The following UBL3 variants were observed in gnomAD, a reference collection of about 807,000 sequenced individuals.
UBL3 encodes ubiquitin-like protein 3.
A neutral mutation model predicts 18.4 loss-of-function variants in UBL3; 6 were observed. The observed-to-expected ratio is 0.33, with a 90% CI of 0.18 to 0.64. The LOEUF is 0.64. Among genes scored for constraint, UBL3 ranks in the 30% least tolerant of loss-of-function variants. The pLI is 0.76. For synonymous variants in UBL3, 49 were observed against 46.6 expected, an observed-to-expected ratio of 1.05 and a Z score of -0.21; for missense variants, 109 against 142.9, an observed-to-expected ratio of 0.76 and a Z score of 1.21.
chr13:29,818,293 CT>C (rs1003685773), intron 1 of UBL3, among the ~76,000 whole-genome samples: 44 of 152,226 alleles, frequency 2.9e-4, no homozygotes, highest in African/African-American at 1.0e-3. Flanking sequence ...CACACACATC[CT>C]TTTCAGTCAG....
At position 29,765,922 on chromosome 13, in the gene UBL3, T is replaced by C. The variant is rs1296555943; in HGVS notation, c.*1333A>G. 1.3e-5 allele frequency: 2 copies of C among 152,614 alleles called. No homozygotes were observed. Among genetic ancestry groups the C allele is most frequent in the Non-Finnish European group, 2.9e-5 (2 of 68,004 alleles). 9.5% of individuals were successfully genotyped at this position (152,614 alleles called of 1,614,324 possible). A position where few individuals can be genotyped will look rare whatever the true frequency, so the allele number is the denominator to read the frequency against. ...ATGTCAGCCTGCAACTTCATTTTTA[T>C]AAAGGCTAAACTTATTTATATGGAA... On this transcript the variant is annotated 3_prime_UTR_variant, in exon 5 of 5. Transcript: ENST00000380680.
chr13:29,828,956 C>T (rs1030611228), intron 1 of UBL3, among the ~76,000 whole-genome samples: 2 of 152,186 alleles, frequency 1.3e-5, no homozygotes, highest in African/African-American at 4.8e-5. Flanking sequence ...ACCCTGTTTG[C>T]CTGGGTATCA....
At chr13:29,788,357 A>G (rs1877379928) in intron 1 of UBL3, among the ~76,000 whole-genome samples, 1 of 152,176 alleles carries the variant, frequency 6.6e-6, no homozygotes, top group Non-Finnish European at 1.5e-5. Flanking sequence ...CTTTCACAAT[A>G]TTCCTCAATC....
chr13:29,849,225 C>T (rs535439851), intron 1 of UBL3, among the ~76,000 whole-genome samples: 1 of 152,300 alleles, frequency 6.6e-6, no homozygotes, highest in South Asian at 2.1e-4. Context: ...TGTTCGGAGG[C>T]TTCTAGCGAA....
intron 1 of UBL3, among the ~76,000 whole-genome samples, chr13:29,809,213 C>T (rs567835190): frequency 5.9e-5 from 9 of 152,062 alleles, no homozygotes; most frequent in Non-Finnish European, 1.3e-4. Flanking sequence ...ACAGGGTCAA[C>T]AGGGTCCTAG....
chr13:29,808,510 C>A (rs1877953636), intron 1 of UBL3, among the ~76,000 whole-genome samples: 2 of 152,146 alleles, frequency 1.3e-5, no homozygotes, highest in Non-Finnish European at 2.9e-5. Flanking sequence ...CCTAGACATG[C>A]CACTTAACTG....
intron 1 of UBL3, among the ~76,000 whole-genome samples, chr13:29,796,284 T>A (rs71434758): frequency 0.084 from 12,842 of 152,092 alleles, 602 homozygotes; most frequent in African/African-American, 0.11. Flanking sequence ...ACAAAAAAAA[T>A]TCAAAAAATT....
intron 1 of UBL3, among the ~76,000 whole-genome samples, chr13:29,794,391 T>C (rs938331661): frequency 6.6e-6 from 1 of 151,964 alleles, no homozygotes; most frequent in Non-Finnish European, 1.5e-5. Flanking sequence ...CCTATATGCA[T>C]GTTGACCTTT....
chr13:29,792,910 G>A (rs6490429), intron 1 of UBL3, among the ~76,000 whole-genome samples: 87,182 of 152,076 alleles, frequency 0.57, 26,096 homozygotes, highest in Non-Finnish European at 0.66. Flanking sequence ...TTCTGCATCT[G>A]TGCATACTTT....
At position 29,774,594 on chromosome 13, in the gene UBL3, T is replaced by C. The variant is rs551052301; in HGVS notation, c.137-2396A>G. Among the ~76,000 whole-genome samples, 23 of 152,292 alleles carry C rather than the reference T, an allele frequency of 1.5e-4. No individual in the cohort carries two copies. The Middle Eastern group carries it at 0.014, about 90-fold the overall frequency. ...CTTTCTTAGCTATAACCTTTATAGC[T>C]TCAGTATCTCCCTGACTTAGAAACT... On this transcript the variant is annotated intron_variant, in intron 2 of 4. Coordinates refer to ENST00000380680, the MANE Select transcript of UBL3 (RefSeq NM_007106.4).
At chr13:29,839,723 T>C (rs1198373206) in intron 1 of UBL3, among the ~76,000 whole-genome samples, 1 of 152,136 alleles carries the variant, frequency 6.6e-6, no homozygotes, top group African/African-American at 2.4e-5. Flanking sequence ...GTCAGGAGAT[T>C]GAGACCACCC....
chr13:29,850,294 G>T lies in UBL3; in HGVS notation c.-756C>A, dbSNP rs1183108010. On this transcript the variant is annotated 5_prime_UTR_variant, in exon 1 of 5. The change creates a new upstream start codon in the 5' untranslated region. Transcript: ENST00000380680. ...CTCAGGCCGCGGGCGCCTCCGGACA[G>T]CAGCTGGGGTCGGGGCGCATCGTCT... is the stretch of plus-strand genomic sequence containing the variant. The T allele has an allele frequency of 6.5e-6, 1 of 153,012 alleles. No individual in the cohort carries two copies. Among genetic ancestry groups the T allele is most frequent in the Non-Finnish European group, 1.5e-5 (1 of 68,286 alleles). 9.5% of individuals were successfully genotyped at this position (153,012 alleles called of 1,614,324 possible). A position where few individuals can be genotyped will look rare whatever the true frequency, so the allele number is the denominator to read the frequency against.
chr13:29,832,221 C>G (rs1321922343), intron 1 of UBL3, among the ~76,000 whole-genome samples: 1 of 152,136 alleles, frequency 6.6e-6, no homozygotes, highest in Non-Finnish European at 1.5e-5. Context: ...CATAAAAACA[C>G]TTACAATTGC....
chr13:29,768,402 A>C (rs1357398346), intron 3 of UBL3, among the ~76,000 whole-genome samples: 1 of 152,096 alleles, frequency 6.6e-6, no homozygotes, highest in Non-Finnish European at 1.5e-5. Flanking sequence ...CTCTGTGTAT[A>C]AAATTAGAAG....
At chr13:29,832,659 T>C (rs1338318991) in intron 1 of UBL3, among the ~76,000 whole-genome samples, 2 of 152,214 alleles carry the variant, frequency 1.3e-5, no homozygotes, top group African/African-American at 4.8e-5. Context: ...TACTGATGCC[T>C]GCATAGTTAA....
intron 1 of UBL3, among the ~76,000 whole-genome samples, chr13:29,846,212 A>G (rs1263016813): frequency 6.6e-6 from 1 of 152,170 alleles, no homozygotes; most frequent in African/African-American, 2.4e-5. Flanking sequence ...TTATAATGAT[A>G]TTCTGTTGAG....
chr13:29,837,163 T>C (rs1195899354), intron 1 of UBL3, among the ~76,000 whole-genome samples: 1 of 152,166 alleles, frequency 6.6e-6, no homozygotes, highest in African/African-American at 2.4e-5. Flanking sequence ...TTCTCTATAA[T>C]TTTTCATCAC....
chr13:29,833,893 T>C (rs1016634867), intron 1 of UBL3, among the ~76,000 whole-genome samples: 8 of 152,338 alleles, frequency 5.3e-5, no homozygotes, highest in South Asian at 2.1e-4. Context: ...CAAGTACTTA[T>C]TGACTGTCTG....
intron 1 of UBL3, among the ~76,000 whole-genome samples, chr13:29,808,708 G>A (rs566794542): frequency 5.6e-4 from 85 of 152,188 alleles, no homozygotes; most frequent in Non-Finnish European, 1.1e-3. Context: ...CTTACACAAA[G>A]TTAAATATCC....
Sources: allele counts gnomAD v4.1 joint callset (sites outside exome capture counted in the v4.1 genomes callset), GRCh38; gene constraint gnomAD v4.1.1; transcripts MANE v1.5; gene names NCBI Gene and HGNC (gene_info 2026-07-23, HGNC 2026-07-21).